DLGAP2: variants seen among roughly 807,000 people sequenced by gnomAD.
The protein encoded by DLGAP2 is DLG associated protein 2, also known as disks large-associated protein 2.
Under a neutral mutation model 100.3 loss-of-function variants are expected in DLGAP2, and 26 were observed. The observed-to-expected ratio is 0.26, with a 90% CI of 0.19 to 0.36. The LOEUF (loss-of-function observed/expected upper bound fraction) is 0.36. Ranked by LOEUF, DLGAP2 falls within the 10% of genes least tolerant of loss-of-function variation. DLGAP2 has a pLI of 1.00. For missense variants in DLGAP2, 1,858 were observed against 1,453.2 expected, an observed-to-expected ratio of 1.28 and a Z score of -4.53; for synonymous variants, 886 against 630.1, an observed-to-expected ratio of 1.41 and a Z score of -6.08.
intron 3 of DLGAP2, among the ~76,000 whole-genome samples, chr8:1,273,941 C>G (rs983309508): frequency 3.3e-5 from 5 of 152,142 alleles, no homozygotes; most frequent in Non-Finnish European, 7.3e-5. Context: ...GGTGTGTGCT[C>G]ACTAATGCTC....
intron 3 of DLGAP2, among the ~76,000 whole-genome samples, chr8:1,497,805 C>A (rs1799593763): frequency 6.6e-6 from 1 of 152,190 alleles, no homozygotes; most frequent in Admixed American, 6.5e-5. Flanking sequence ...ATGCCTGAAA[C>A]CTCAGCCAGT....
intron 2 of DLGAP2, among the ~76,000 whole-genome samples, chr8:970,426 T>A (rs1799984018): frequency 1.3e-5 from 2 of 152,238 alleles, no homozygotes; most frequent in African/African-American, 4.8e-5. Context: ...TGATCAACGT[T>A]TATCAGCCCA....
intron 1 of DLGAP2, among the ~76,000 whole-genome samples, chr8:806,550 T>C (rs541603884): frequency 6.6e-6 from 1 of 151,602 alleles, no homozygotes; most frequent in East Asian, 2.0e-4. Context: ...GCAGAGAGAG[T>C]CGATAGGTGC....
chr8:857,332 A>T (rs773329275), intron 1 of DLGAP2, among the ~76,000 whole-genome samples: 6 of 152,190 alleles, frequency 3.9e-5, no homozygotes, highest in Non-Finnish European at 7.3e-5. Context: ...GAAAAATTGA[A>T]ATTGGACTTC....
chr8:1,332,351 G>A (rs1049871887), intron 3 of DLGAP2, among the ~76,000 whole-genome samples: 2 of 152,184 alleles, frequency 1.3e-5, no homozygotes, highest in Admixed American at 6.5e-5. Flanking sequence ...TTGTGTGTGT[G>A]TATACATCTG....
rs1563254610 is a variant in DLGAP2, at chr8:1,208,896, AT to A, written c.74-49954del. 1.2e-3 allele frequency among the ~76,000 whole-genome samples: 186 copies of A among 151,286 alleles called. 4 individuals carry two copies. The highest frequency in any genetic ancestry group is 0.011 in the Admixed American group (166 of 15,206). On this transcript the variant is annotated intron_variant, in intron 2 of 14. Transcript: ENST00000637795. The stretch of plus-strand genomic sequence containing the variant: ...AATAAATAAATAAATAAATAAATAA[AT>A]AAATAAATAAATAAAATGCTTAGGA...
At chr8:1,062,623 C>A (rs1046032647) in intron 2 of DLGAP2, among the ~76,000 whole-genome samples, 5 of 152,212 alleles carry the variant, frequency 3.3e-5, no homozygotes, top group African/African-American at 9.6e-5. Flanking sequence ...TCCCTCGATA[C>A]TTTGCAGCAT....
At chr8:1,210,353 C>T (rs1313821286) in intron 2 of DLGAP2, among the ~76,000 whole-genome samples, 1 of 100,224 alleles carries the variant, frequency 1.0e-5, no homozygotes, top group Non-Finnish European at 1.8e-5. Flanking sequence ...GAAACCAGTG[C>T]AGTGTTTTAA....
intron 3 of DLGAP2, among the ~76,000 whole-genome samples, chr8:1,468,290 C>T (rs1395291563): frequency 2.6e-5 from 4 of 151,460 alleles, no homozygotes; most frequent in Non-Finnish European, 2.9e-5. Context: ...GTCCTGAGTC[C>T]CCAGCAGCCT....
At chr8:1,503,276 ACACTC>A (rs1799788059) in intron 4 of DLGAP2, among the ~76,000 whole-genome samples, 27 of 151,894 alleles carry the variant, frequency 1.8e-4, no homozygotes, top group African/African-American at 5.8e-4. Flanking sequence ...TCCCCATGAA[ACACTC>A]AGTCCCTTTC....
At chr8:789,324 T>A (rs1177511828) in intron 1 of DLGAP2, among the ~76,000 whole-genome samples, 1 of 152,060 alleles carries the variant, frequency 6.6e-6, no homozygotes, top group Non-Finnish European at 1.5e-5. Context: ...GAAGGGGAAG[T>A]AGGCATATCC....
intron 2 of DLGAP2, among the ~76,000 whole-genome samples, chr8:1,234,242 G>C (rs1256543023): frequency 6.6e-6 from 1 of 152,198 alleles, no homozygotes; most frequent in Non-Finnish European, 1.5e-5. Context: ...ACAACCCTGA[G>C]TGGAACCAGC....
At chr8:1,647,314 A>G (rs191323514) in intron 8 of DLGAP2, among the ~76,000 whole-genome samples, 1 of 151,960 alleles carries the variant, frequency 6.6e-6, no homozygotes, top group African/African-American at 2.4e-5. Flanking sequence ...GTGAAACCCC[A>G]TCTCTACTAA....
chr8:1,212,522 G>T (rs558966241), intron 2 of DLGAP2, among the ~76,000 whole-genome samples: 1 of 152,270 alleles, frequency 6.6e-6, no homozygotes, highest in East Asian at 1.9e-4. Flanking sequence ...TGAGATAGAT[G>T]AAATCTCAGT....
At chr8:1,671,745 G>T (rs17829167) in intron 10 of DLGAP2, among the ~76,000 whole-genome samples, 4 of 152,124 alleles carry the variant, frequency 2.6e-5, no homozygotes, top group Non-Finnish European at 2.9e-5. Flanking sequence ...CAAGTCCCCT[G>T]TTCCTCAGAT....
At chr8:1,319,285 G>A (rs1252769517) in intron 3 of DLGAP2, among the ~76,000 whole-genome samples, 3 of 152,182 alleles carry the variant, frequency 2.0e-5, no homozygotes, top group South Asian at 2.1e-4. Context: ...GCCACAATGT[G>A]TGCTGGTAAA....
Position 800,877 on chromosome 8 carries a change from C to T in DLGAP2, c.18+63052C>T, listed in dbSNP as rs957117591. Among the ~76,000 whole-genome samples the T allele has an allele frequency of 5.3e-5, 8 of 152,258 alleles. No homozygotes were observed. In the East Asian group the frequency reaches 1.2e-3, roughly 22 times the overall value. ...TCTCCAAGGCCGGGTCTGTACTTCC[C>T]CCAGCAATCCCCGGCCGTGCTGTGT... On this transcript the variant is annotated intron_variant, in intron 1 of 14. Transcript: ENST00000637795.
At chr8:901,128 T>A (rs1329087216) in intron 1 of DLGAP2, among the ~76,000 whole-genome samples, 1 of 152,112 alleles carries the variant, frequency 6.6e-6, no homozygotes, top group Non-Finnish European at 1.5e-5. Flanking sequence ...TAAAAAAAAT[T>A]GTTTTTTAAT....
At chr8:880,187 A>C (rs1273026695) in intron 1 of DLGAP2, among the ~76,000 whole-genome samples, 3 of 151,950 alleles carry the variant, frequency 2.0e-5, no homozygotes, top group Non-Finnish European at 2.9e-5. Context: ...CCTCCACTGC[A>C]CTTGCATCTC....
Sources: gnomAD v4.1 joint callset for allele counts (sites outside exome capture counted in the v4.1 genomes callset) on GRCh38, gnomAD v4.1.1 for gene constraint, MANE v1.5 for transcripts, NCBI Gene and HGNC (gene_info 2026-07-23, HGNC 2026-07-21) for gene names.